APOB: variants seen among roughly 807,000 people sequenced by gnomAD.
APOB encodes the protein apolipoprotein B-100.
A neutral mutation model predicts 314.1 loss-of-function variants in APOB; 153 were observed. The ratio of observed to expected loss-of-function variants is 0.49; its 90% CI spans 0.43 to 0.56. APOB has a LOEUF of 0.56. APOB is among the 20% of genes least tolerant of loss of function. The probability of loss-of-function intolerance (pLI) is 0.00; values close to 1 mark genes in which losing one functional copy is unlikely to be tolerated. For missense variants in APOB, 5,430 were observed against 5,350.7 expected (o/e 1.01, Z -0.46); for synonymous variants, 2,087 against 2,036.4 (o/e 1.02, Z -0.67).
At chr2:21,023,715 C>T (rs778356811) in intron 16 of APOB, 23 bp from the exon 17 acceptor site, 40 of 1,570,088 alleles carry the variant, frequency 2.5e-5, no homozygotes, top group Non-Finnish European at 3.0e-5. Context: ...CAAGGGAGAG[C>T]AAATAAAAGT....
At position 21,015,116 on chromosome 2, in the gene APOB, TGAGG is replaced by T; in HGVS notation, c.3649_3652del (p.Pro1217LysfsTer4). ...CACGTGCCGGAAAGTCATGTCTGTT[TGAGG>T]GACTCTGTGATCCAGGAGTCTATTA... On this transcript the variant is annotated frameshift_variant, in exon 23 of 29. Coordinates refer to ENST00000233242, the MANE Select transcript of APOB (RefSeq NM_000384.3). LOFTEE classifies it high-confidence loss of function. 1 of 1,614,236 alleles carries T rather than the reference TGAGG, an allele frequency of 6.2e-7. No homozygotes were observed. Among genetic ancestry groups the T allele is most frequent in the Non-Finnish European group, 8.5e-7 (1 of 1,180,042 alleles).
chr2:21,031,864 C>A lies in APOB; in HGVS notation c.1352+490G>T, dbSNP rs377355276. On this transcript the variant is annotated intron_variant, in intron 10 of 28. Transcript: ENST00000233242. ...GACCATCTCAAAAAAACAACAACAACAAAAAAAAACAAAACAAACAAACAA... is the reference window on the plus strand; with the variant it reads ...GACCATCTCAAAAAAACAACAACAAAAAAAAAAAACAAAACAAACAAACAA... 6.1e-3 allele frequency among the ~76,000 whole-genome samples: 918 copies of A among 149,442 alleles called. 5 individuals carry two copies. The highest frequency in any genetic ancestry group is 0.014 in the Middle Eastern group (4 of 288).
Position 21,012,192 on chromosome 2 carries a change from G to A in APOB, c.4676C>T (p.Ala1559Val), listed in dbSNP as rs549741449. Residue 1559 changes from alanine to valine, a missense_variant, in exon 26 of 29, where the codon GCT (alanine) becomes GTT (valine). By Grantham distance (64) the Ala-to-Val change is moderately conservative. Coordinates refer to ENST00000233242, the MANE Select transcript of APOB (RefSeq NM_000384.3). ...CTCGTAGTTCTCATACTTTAGGGAA[G>A]CAGTATTTTTAATGATGCCACTTTG... is the stretch of plus-strand genomic sequence containing the variant. ...DLQSGIIKNT[A>V]SLKYENYELT... 129 of 1,602,398 alleles carry A rather than the reference G, an allele frequency of 8.1e-5. No individual in the cohort carries two copies. The South Asian group carries it at 1.4e-3, about 17-fold the overall frequency.
chr2:21,036,030 C>T (rs1663994641), intron 6 of APOB, among the ~76,000 whole-genome samples: 1 of 152,202 alleles, frequency 6.6e-6, no homozygotes, highest in Non-Finnish European at 1.5e-5. Context: ...TCTTACATGT[C>T]TCTTTCATTT....
At chr2:21,029,151 A>G (rs769187966) in intron 12 of APOB, among the ~76,000 whole-genome samples, 1 of 152,198 alleles carries the variant, frequency 6.6e-6, no homozygotes, top group Non-Finnish European at 1.5e-5. Flanking sequence ...TGAAATTTGC[A>G]ATTAGAAAAC....
intron 18 of APOB, among the ~76,000 whole-genome samples, 194 bp from the exon 19 acceptor site, chr2:21,020,099 G>A (rs552241183): frequency 1.3e-5 from 2 of 152,254 alleles, no homozygotes; most frequent in South Asian, 4.1e-4. Flanking sequence ...GAGTGACTCT[G>A]AAGCTTCTGG....
Position 21,035,669 on chromosome 2 carries a change from A to C in APOB, c.733T>G (p.Cys245Gly). 4 of 1,614,084 alleles carry C rather than the reference A, an allele frequency of 2.5e-6. No homozygotes were observed. Among genetic ancestry groups the C allele is most frequent in the Non-Finnish European group, 3.4e-6 (4 of 1,179,996 alleles). The change falls in exon 7 of 29, where the codon TGT becomes GGT. Residue 245 changes from cysteine to glycine, a missense_variant. Around this residue, in one of 3 missense-constraint regions of APOB, gnomAD observed 2,085 missense variants for 2,079.7 expected, o/e 1.00. Transcript: ENST00000233242. ...LSTLISSSQS[C>G]QYTLDAKRKH... is the part of the protein sequence containing the mutation. ...CTCTTAGCGTCCAGTGTGTACTGAC[A>C]GGACTGGCTGCTGCTGATCAGAGTT... is the stretch of plus-strand genomic sequence containing the variant.
At position 21,026,890 on chromosome 2, in the gene APOB, A is replaced by C; in HGVS notation, c.2142T>G (p.Ser714Arg). The C allele has an allele frequency of 6.2e-7, 1 of 1,614,154 alleles. No individual in the cohort carries two copies. Among genetic ancestry groups the C allele is most frequent in the African/African-American group, 1.3e-5 (1 of 75,040 alleles). ...LFGKQGFFPD[S>R]VNKALYWVNG... ...TAACCCAGTACAAAGCTTTGTTGAC[A>C]CTGTCTGGGAAAAATCCTTGCTTCC... Residue 714 changes from serine to arginine, a missense_variant, in exon 15 of 29, where the codon AGT becomes AGG. Ser to Arg is a moderately radical substitution (Grantham distance 110). This residue lies in a region of APOB where 2,085 missense variants were observed against 2,079.7 expected (regional missense o/e 1.00). Coordinates refer to ENST00000233242, the MANE Select transcript of APOB (RefSeq NM_000384.3).
At chr2:21,021,275 A>C (rs1325277240) in intron 18 of APOB, among the ~76,000 whole-genome samples, 1 of 152,158 alleles carries the variant, frequency 6.6e-6, no homozygotes, top group Non-Finnish European at 1.5e-5. Flanking sequence ...TTAATCACCC[A>C]GTACTTATGA....
rs370669926 is a variant in APOB, at chr2:21,015,384, A to G, written c.3494T>C (p.Val1165Ala). The stretch of plus-strand genomic sequence containing the variant: ...GAGACACATACCATAATGCCATGCC[A>G]CCCTCTTGGAAACTGTGGAGCCATA... ...TAYGSTVSKR[V>A]AWHYDEEKIE... The change falls in exon 22 of 29, where the codon GTG (valine) becomes GCG (alanine). Residue 1165 changes from valine to alanine, a missense_variant. This residue lies in a region of APOB where 2,085 missense variants were observed against 2,079.7 expected (regional missense o/e 1.00). Transcript: ENST00000233242. 6.2e-7 allele frequency: 1 copy of G among 1,614,162 alleles called. No individual in the cohort carries two copies. The highest frequency in any genetic ancestry group is 8.5e-7 in the Non-Finnish European group (1 of 1,180,040).
At chr2:21,024,540 A>T in intron 16 of APOB, 1 of 357,330 alleles carries the variant, frequency 2.8e-6, no homozygotes, top group Non-Finnish European at 5.0e-6. Flanking sequence ...AATTGCTTGA[A>T]CCCGGAAGGC....
chr2:21,037,318 A>G lies in APOB; in HGVS notation c.538-63T>C, dbSNP rs191618417. The G allele has an allele frequency of 2.2e-4, 274 of 1,255,608 alleles. No individual in the cohort carries two copies. The African/African-American group carries it at 3.7e-3, about 17-fold the overall frequency. 77.8% of individuals were successfully genotyped at this position (1,255,608 alleles called of 1,614,324 possible). On this transcript the variant is annotated intron_variant, in intron 5 of 28. Transcript: ENST00000233242. ...CGGGCAACATCCTTGGGTACTTGGG[A>G]GGGATGGGGTGGGGATCGTGAAAGA... is the stretch of plus-strand genomic sequence containing the variant.
At position 21,029,900 on chromosome 2, in the gene APOB, G is replaced by T. The variant is rs771541567; in HGVS notation, c.1468C>A (p.Arg490=). 7.5e-6 allele frequency: 12 copies of T among 1,610,642 alleles called. No individual in the cohort carries two copies. In the Admixed American group the frequency reaches 1.2e-4, roughly 16 times the overall value. ...GTCATATAAAAGACTGAGATTACCC[G>T]CAGAATCAAATAGGTGTAATCTTCA... ...GDEDYTYLIL[R]VIGNMGQTME... The change falls in exon 11 of 29, where the codon CGG becomes AGG. Residue 490 remains arginine, a splice_region_variant and synonymous_variant. Coordinates refer to ENST00000233242, the MANE Select transcript of APOB (RefSeq NM_000384.3).
At position 21,012,433 on chromosome 2, in the gene APOB, A is replaced by T. The variant is rs774342228; in HGVS notation, c.4435T>A (p.Leu1479Met). 1 of 1,614,196 alleles carries T rather than the reference A, an allele frequency of 6.2e-7. No individual in the cohort carries two copies. The highest frequency in any genetic ancestry group is 1.7e-5 in the Admixed American group (1 of 60,022). ...TCAATCTTGACTTCTTTGACAAACA[A>T]ATGCTGTTTCTTTTTGGAGTCCAAA... ...VHLDSKKKQH[L>M]FVKEVKIDGQ... Residue 1479 changes from leucine to methionine, a missense_variant, in exon 26 of 29, where the codon TTG becomes ATG. Physicochemically the swap from Leu to Met is conservative, Grantham distance 15. Coordinates refer to ENST00000233242, the MANE Select transcript of APOB (RefSeq NM_000384.3).
chr2:21,043,245 T>C (rs111954582), intron 2 of APOB, among the ~76,000 whole-genome samples: 8 of 152,216 alleles, frequency 5.3e-5, no homozygotes, highest in African/African-American at 1.9e-4. Context: ...TGATGTTTCT[T>C]CAAAGTGTGC....
At chr2:21,027,348 G>A (rs1663756155) in intron 14 of APOB, among the ~76,000 whole-genome samples, 1 of 116,142 alleles carries the variant, frequency 8.6e-6, no homozygotes, top group Non-Finnish European at 1.6e-5. Context: ...GTCTTGCTCT[G>A]TCGCCCAGGC....
At chr2:21,019,240 C>T in intron 19 of APOB, 127 bp from the exon 20 acceptor site, 1 of 1,247,240 alleles carries the variant, frequency 8.0e-7, no homozygotes, top group Admixed American at 1.7e-5. Flanking sequence ...GTCTCTTGCC[C>T]TTAACTAAGA....
chr2:21,006,717 G>A lies in APOB; in HGVS notation c.10151C>T (p.Thr3384Ile), dbSNP rs1663151981. The part of the protein sequence containing the change: ...IDALQYKLEG[T>I]TRLTRKRGLK... ...TCCCCTTTTTCTTGTCAATCTTGTG[G>A]TGCCCTCTAATTTGTACTGCAGTGC... The change falls in exon 26 of 29, where the codon ACC (threonine) becomes ATC (isoleucine). Residue 3384 changes from threonine (T) to isoleucine (I), a missense_variant. Coordinates refer to ENST00000233242, the MANE Select transcript of APOB (RefSeq NM_000384.3). 6.2e-7 allele frequency: 1 copy of A among 1,613,872 alleles called. No individual in the cohort carries two copies. The highest frequency in any genetic ancestry group is 8.5e-7 in the Non-Finnish European group (1 of 1,179,958).
Position 21,007,727 on chromosome 2 carries a change from C to G in APOB, c.9141G>C (p.Thr3047=), listed in dbSNP as rs773353449. The G allele has an allele frequency of 6.2e-7, 1 of 1,614,026 alleles. No homozygotes were observed. The highest frequency in any genetic ancestry group is 2.2e-5 in the East Asian group (1 of 44,882). The change falls in exon 26 of 29, where the codon ACG becomes ACC. Residue 3047 remains threonine (T), a synonymous_variant. Transcript: ENST00000233242. ...AATTCCCTTCATTGTTTGTGGATGC[C>G]GTGATCTCAAATGGCTGGGCTGAAA... ...LFFSAQPFEI[T]ASTNNEGNLK...
Sources: allele counts gnomAD v4.1 joint callset (sites outside exome capture counted in the v4.1 genomes callset), GRCh38; gene constraint gnomAD v4.1.1; regional missense constraint gnomAD v4.1.1; transcripts MANE v1.5; gene names NCBI Gene and HGNC (gene_info 2026-07-23, HGNC 2026-07-21).